FAT3: variants seen among roughly 807,000 people sequenced by gnomAD.
The protein encoded by FAT3 is FAT atypical cadherin 3.
Under a neutral mutation model 310.2 loss-of-function variants are expected in FAT3, and 95 were observed. The observed-to-expected ratio is 0.31, with a 90% CI of 0.26 to 0.36. FAT3 has a LOEUF of 0.36. FAT3 is among the 10% of genes least tolerant of loss of function. FAT3 has a pLI of 1.00. For missense variants in FAT3, 5,408 were observed against 5,715.6 expected, an observed-to-expected ratio of 0.95 and a Z score of 1.74; for synonymous variants, 2,314 against 2,192.9, an observed-to-expected ratio of 1.06 and a Z score of -1.54.
intron 3 of FAT3, among the ~76,000 whole-genome samples, chr11:92,670,482 A>T (rs920228612): frequency 1.3e-5 from 2 of 152,192 alleles, no homozygotes; most frequent in African/African-American, 4.8e-5. Context: ...CTTTTAGAGG[A>T]TACTCAAATT....
chr11:92,863,623 A>AG (rs1228107183), intron 21 of FAT3, among the ~76,000 whole-genome samples: 8 of 152,214 alleles, frequency 5.3e-5, no homozygotes, highest in Non-Finnish European at 1.2e-4. Context: ...TATCGTTGCT[A>AG]TAGACATTTC....
At chr11:92,392,194 C>G (rs1949765346) in intron 2 of FAT3, among the ~76,000 whole-genome samples, 1 of 152,090 alleles carries the variant, frequency 6.6e-6, no homozygotes, top group South Asian at 2.1e-4. Context: ...CCAAATCGAA[C>G]CATGCTTATT....
At chr11:92,790,780 A>T (rs1183630896) in intron 8 of FAT3, among the ~76,000 whole-genome samples, 1 of 152,192 alleles carries the variant, frequency 6.6e-6, no homozygotes, top group East Asian at 1.9e-4. Context: ...TATGTAGGAG[A>T]TATTGCTTTA....
chr11:92,246,501 G>A (rs1864914162), intron 1 of FAT3, among the ~76,000 whole-genome samples: 1 of 152,092 alleles, frequency 6.6e-6, no homozygotes, highest in Non-Finnish European at 1.5e-5. Context: ...GACTGGAAAA[G>A]GGGAACTATT....
chr11:92,238,262 C>A (rs573360833), intron 1 of FAT3, among the ~76,000 whole-genome samples: 3 of 152,262 alleles, frequency 2.0e-5, no homozygotes, highest in South Asian at 4.1e-4. Flanking sequence ...ATTTTACAGT[C>A]TGTTCCATAA....
At chr11:92,289,346 C>G (rs896743718) in intron 1 of FAT3, among the ~76,000 whole-genome samples, 10 of 151,952 alleles carry the variant, frequency 6.6e-5, no homozygotes, top group African/African-American at 2.4e-4. Context: ...TTCTCAGCAT[C>G]CTGAATAGGA....
At chr11:92,509,216 A>G (rs546310494) in intron 2 of FAT3, among the ~76,000 whole-genome samples, 25 of 152,288 alleles carry the variant, frequency 1.6e-4, no homozygotes, top group African/African-American at 5.5e-4. Flanking sequence ...AAATAATGCA[A>G]ATCTTATAAC....
chr11:92,697,417 G>T lies in FAT3; in HGVS notation c.3641G>T (p.Arg1214Leu). 6.2e-7 allele frequency: 1 copy of T among 1,613,822 alleles called. No homozygotes were observed. The highest frequency in any genetic ancestry group is 8.5e-7 in the Non-Finnish European group (1 of 1,179,810). ...LITTTSRKLD[R>L]EQQAEHFLEV... is the part of the protein sequence containing the mutation. ...ACAACAACTTCAAGGAAATTGGATC[G>T]AGAACAGCAGGCAGAACATTTTCTG... Residue 1214 changes from arginine (R) to leucine (L), a missense_variant, in exon 4 of 28, where the codon CGA becomes CTA. This residue lies in a region of FAT3 where 4,588 missense variants were observed against 4,809.8 expected (regional missense o/e 0.95). Transcript: ENST00000525166.
rs144036762 is a variant in FAT3 at position 92,312,856 on chromosome 11, G to T, written c.-17-39240G>T. ...AAAGCGTCTTTCCTTTGGTACCTTC[G>T]CTAGTTTAGACTGGGTCTTGAAAAT... is the stretch of plus-strand genomic sequence containing the variant. On this transcript the variant is annotated intron_variant, in intron 1 of 27. Coordinates refer to ENST00000525166, the MANE Select transcript of FAT3 (RefSeq NM_001367949.2). Among the ~76,000 whole-genome samples, 3 of 152,170 alleles carry T rather than the reference G, an allele frequency of 2.0e-5. No homozygotes were observed. The East Asian group carries it at 5.8e-4, about 30-fold the overall frequency.
chr11:92,228,446 G>C (rs1864016964), intron 1 of FAT3, among the ~76,000 whole-genome samples: 3 of 152,144 alleles, frequency 2.0e-5, no homozygotes, highest in Non-Finnish European at 2.9e-5. Context: ...TATTTTGCTA[G>C]CCCACAGCCT....
chr11:92,779,484 A>T (rs1946682530), intron 7 of FAT3, among the ~76,000 whole-genome samples: 1 of 152,146 alleles, frequency 6.6e-6, no homozygotes, highest in Non-Finnish European at 1.5e-5. Context: ...GAACATCAAA[A>T]AGAATAATGG....
chr11:92,299,792 CA>C (rs34526893), intron 1 of FAT3, among the ~76,000 whole-genome samples: 3,201 of 152,120 alleles, frequency 0.021, 121 homozygotes, highest in African/African-American at 0.074. Context: ...TCAGTACTAC[CA>C]ATATAGGTTT....
chr11:92,857,465 T>C, intron 20 of FAT3, 117 bp downstream of exon 20: 1 of 1,367,266 alleles, frequency 7.3e-7, no homozygotes, highest in South Asian at 1.4e-5. Flanking sequence ...ATGCAACCTT[T>C]TCCTTTAGAA....
intron 2 of FAT3, among the ~76,000 whole-genome samples, chr11:92,433,348 A>G (rs190926960): frequency 7.0e-4 from 107 of 152,224 alleles, no homozygotes; most frequent in African/African-American, 2.5e-3. Context: ...CTTGAAACCC[A>G]GGGCCCTAAT....
intron 1 of FAT3, among the ~76,000 whole-genome samples, chr11:92,235,761 C>T (rs558879181): frequency 6.6e-6 from 1 of 152,292 alleles, no homozygotes; most frequent in African/African-American, 2.4e-5. Context: ...AATACACATG[C>T]TCTTTATTGG....
intron 2 of FAT3, among the ~76,000 whole-genome samples, chr11:92,417,356 C>T (rs1950439109): frequency 1.3e-5 from 2 of 152,230 alleles, no homozygotes; most frequent in Middle Eastern, 6.8e-3. Context: ...TATTGGATGC[C>T]TCTTAGGTGC....
In FAT3 at chr11:92,799,460, G is replaced by C. The variant is rs764801933; in HGVS notation, c.6447G>C (p.Leu2149Phe). 6.2e-7 allele frequency: 1 copy of C among 1,613,542 alleles called. No homozygotes were observed. The highest frequency in any genetic ancestry group is 2.2e-5 in the East Asian group (1 of 44,846). Reference protein sequence around the residue: ...VILKEAFNSDLSNIEYGVTIL... With the variant: ...VILKEAFNSDFSNIEYGVTIL... The stretch of plus-strand genomic sequence containing the variant: ...TAAAGGAAGCATTCAACTCTGACTT[G>C]TCCAACATTGAGTATGGAGTCACCA... The change falls in exon 10 of 28, where the codon TTG becomes TTC. Residue 2149 changes from leucine to phenylalanine, a missense_variant. This residue lies in a region of FAT3 where 4,588 missense variants were observed against 4,809.8 expected (regional missense o/e 0.95). Coordinates refer to ENST00000525166, the MANE Select transcript of FAT3 (RefSeq NM_001367949.2).
chr11:92,241,145 G>A (rs545267689), intron 1 of FAT3, among the ~76,000 whole-genome samples: 100 of 152,098 alleles, frequency 6.6e-4, no homozygotes, highest in African/African-American at 2.3e-3. Context: ...CTTGATATTC[G>A]TTGGCCAAAC....
chr11:92,716,820 T>A (rs1199629632), intron 4 of FAT3, among the ~76,000 whole-genome samples: 1 of 152,144 alleles, frequency 6.6e-6, no homozygotes, highest in East Asian at 1.9e-4. Context: ...CCCTTTATGA[T>A]TGTAGTAGAG....
Sources: gnomAD v4.1 joint callset for allele counts (sites outside exome capture counted in the v4.1 genomes callset) on GRCh38, gnomAD v4.1.1 for gene constraint, gnomAD v4.1.1 regional missense constraint, MANE v1.5 for transcripts, NCBI Gene and HGNC (gene_info 2026-07-23, HGNC 2026-07-21) for gene names.